Variants in ZNF148 observed in about 807,000 individuals in gnomAD.
ZNF148 encodes the protein zinc finger protein 148.
ZNF148 carries 7 observed loss-of-function variants against 67.7 expected under a neutral mutation model. The ratio of observed to expected loss-of-function variants is 0.10; its 90% CI spans 0.06 to 0.19. ZNF148 has a LOEUF of 0.19. Ranked by LOEUF, ZNF148 falls within the 10% of genes least tolerant of loss-of-function variation. The pLI, the probability that ZNF148 is intolerant of heterozygous loss-of-function variation, is 1.00. For missense variants in ZNF148, 583 were observed against 947.1 expected (o/e 0.62, Z 5.05); for synonymous variants, 333 against 330.7 (o/e 1.01, Z -0.08).
rs1424094787 is a variant in ZNF148, at chr3:125,230,924, T to A, written c.*1417A>T. 6.6e-6 allele frequency: 1 copy of A among 152,144 alleles called. No individual in the cohort carries two copies. The highest frequency in any genetic ancestry group is 1.5e-5 in the Non-Finnish European group (1 of 67,842). 9.4% of individuals were successfully genotyped at this position (152,144 alleles called of 1,614,324 possible). A position where few individuals can be genotyped will look rare whatever the true frequency, so the allele number is the denominator to read the frequency against. The stretch of plus-strand genomic sequence containing the variant: ...CTCAAACCATCATTCTTCAGAAAAG[T>A]GTGTGTGTGTATATATACATAAAAG... On this transcript the variant is annotated 3_prime_UTR_variant, in exon 9 of 9. Transcript: ENST00000360647.
At chr3:125,267,966 G>C (rs1937571846) in intron 7 of ZNF148, among the ~76,000 whole-genome samples, 1 of 151,758 alleles carries the variant, frequency 6.6e-6, no homozygotes. Flanking sequence ...ATTTACACTA[G>C]ATGCACACAC....
chr3:125,229,745 C>A lies in ZNF148; in HGVS notation c.*2596G>T, dbSNP rs1200206971. 1 of 152,112 alleles carries A rather than the reference C, an allele frequency of 6.6e-6. No individual in the cohort carries two copies. The highest frequency in any genetic ancestry group is 2.4e-5 in the African/African-American group (1 of 41,414). The allele number at this position is 152,112 out of a possible 1,614,324, so 9.4% of individuals were successfully genotyped here. A position where few individuals can be genotyped will look rare whatever the true frequency, so the allele number is the denominator to read the frequency against. ...ATATCCTCCATGTTTCAATCTGAAG[C>A]AGCACACAAGGCTACTTATTTTCTC... On this transcript the variant is annotated 3_prime_UTR_variant, in exon 9 of 9. Transcript: ENST00000360647.
rs201795025 is a variant in ZNF148, at chr3:125,321,881, A to AT, written c.-17+1427dup. Among the ~76,000 whole-genome samples the AT allele has an allele frequency of 1.8e-3, 269 of 148,586 alleles. 1 individual carries two copies. The highest frequency in any genetic ancestry group is 2.8e-3 in the Non-Finnish European group (184 of 66,708). ...ACTATGAACAAATGTTAAACACCTA[A>AT]TTTTTTTTTTTAATTACATGAGATG... is the stretch of plus-strand genomic sequence containing the variant. On this transcript the variant is annotated intron_variant, in intron 3 of 8. Coordinates refer to ENST00000360647, the MANE Select transcript of ZNF148 (RefSeq NM_021964.3).
At chr3:125,251,535 C>T (rs1936842462) in intron 7 of ZNF148, among the ~76,000 whole-genome samples, 1 of 152,150 alleles carries the variant, frequency 6.6e-6, no homozygotes, top group Non-Finnish European at 1.5e-5. Flanking sequence ...TGATCACTAT[C>T]CTAATTTCTA....
At chr3:125,327,474 C>T (rs933850253) in intron 2 of ZNF148, among the ~76,000 whole-genome samples, 2 of 152,106 alleles carry the variant, frequency 1.3e-5, no homozygotes, top group Non-Finnish European at 2.9e-5. Context: ...ACAGGCCACA[C>T]GCGGGGCCAT....
intron 1 of ZNF148, among the ~76,000 whole-genome samples, chr3:125,369,086 AC>A (rs1213827853): frequency 2.0e-5 from 3 of 151,776 alleles, no homozygotes; most frequent in Non-Finnish European, 2.9e-5. Context: ...ACATGGTGAA[AC>A]CGTGTCTCTA....
chr3:125,290,559 T>C (rs893131477), intron 4 of ZNF148, among the ~76,000 whole-genome samples: 1 of 152,182 alleles, frequency 6.6e-6, no homozygotes, highest in African/African-American at 2.4e-5. Flanking sequence ...AGATACTCTT[T>C]GTTGGTATTT....
chr3:125,254,840 C>G (rs1937001858), intron 7 of ZNF148, among the ~76,000 whole-genome samples: 1 of 152,024 alleles, frequency 6.6e-6, no homozygotes, highest in Non-Finnish European at 1.5e-5. Flanking sequence ...ATTTAATGTA[C>G]TTTCTGATCT....
chr3:125,306,150 T>C (rs1262830568), intron 4 of ZNF148, among the ~76,000 whole-genome samples: 1 of 152,162 alleles, frequency 6.6e-6, no homozygotes, highest in Non-Finnish European at 1.5e-5. Flanking sequence ...TGAAAAAATA[T>C]ATCAAAAGCT....
chr3:125,329,661 T>C (rs4679385), intron 2 of ZNF148, among the ~76,000 whole-genome samples: 116,871 of 151,640 alleles, frequency 0.77, 45,582 homozygotes, highest in African/African-American at 0.85. Flanking sequence ...CCTAGCCAGA[T>C]ATATTTTTAA....
At chr3:125,298,975 C>T (rs1236857750) in intron 4 of ZNF148, among the ~76,000 whole-genome samples, 2 of 152,118 alleles carry the variant, frequency 1.3e-5, no homozygotes, top group Non-Finnish European at 2.9e-5. Flanking sequence ...AATGCATGCA[C>T]ACAATATGTT....
intron 7 of ZNF148, among the ~76,000 whole-genome samples, chr3:125,276,921 TAAAAC>T (rs1426954157): frequency 1.3e-5 from 2 of 152,172 alleles, no homozygotes; most frequent in African/African-American, 4.8e-5. Context: ...CTTGAGTACT[TAAAAC>T]AGAAAAATAT....
At chr3:125,270,324 T>C (rs565477853) in intron 7 of ZNF148, among the ~76,000 whole-genome samples, 7 of 149,510 alleles carry the variant, frequency 4.7e-5, no homozygotes, top group Non-Finnish European at 7.4e-5. Flanking sequence ...CTGGGATACA[T>C]AGGGAGACTC....
At chr3:125,346,355 A>T (rs765105359) in intron 1 of ZNF148, among the ~76,000 whole-genome samples, 17 of 123,510 alleles carry the variant, frequency 1.4e-4, no homozygotes, top group Non-Finnish European at 2.9e-4. Context: ...ATCAAAGCTA[A>T]TATCATATTC....
intron 7 of ZNF148, among the ~76,000 whole-genome samples, chr3:125,236,097 T>A (rs1579583435): frequency 6.6e-6 from 1 of 150,430 alleles, no homozygotes. Context: ...CTTAAAGTAT[T>A]AAAAAAAAAG....
intron 1 of ZNF148, among the ~76,000 whole-genome samples, chr3:125,366,771 C>T (rs939435723): frequency 3.3e-5 from 5 of 152,132 alleles, no homozygotes; most frequent in Non-Finnish European, 5.9e-5. Context: ...CCTTTGCTTA[C>T]GCTAATCTCT....
At chr3:125,328,012 T>A (rs1941102666) in intron 2 of ZNF148, among the ~76,000 whole-genome samples, 2 of 152,082 alleles carry the variant, frequency 1.3e-5, no homozygotes, top group African/African-American at 2.4e-5. Context: ...TCTTTGTAGT[T>A]GTCATTATGA....
At chr3:125,304,976 T>A (rs1468713253) in intron 4 of ZNF148, among the ~76,000 whole-genome samples, 2 of 152,184 alleles carry the variant, frequency 1.3e-5, no homozygotes, top group Non-Finnish European at 2.9e-5. Context: ...TCCAAGAACA[T>A]AAAACCTGCT....
chr3:125,236,509 T>G (rs1262080472), intron 7 of ZNF148, among the ~76,000 whole-genome samples: 2 of 152,122 alleles, frequency 1.3e-5, no homozygotes, highest in South Asian at 4.2e-4. Flanking sequence ...GCAGAGAGAT[T>G]AAAGCCAAGG....
Sources: gnomAD v4.1 joint callset for allele counts (sites outside exome capture counted in the v4.1 genomes callset) on GRCh38, gnomAD v4.1.1 for gene constraint, MANE v1.5 for transcripts, NCBI Gene and HGNC (gene_info 2026-07-23, HGNC 2026-07-21) for gene names.